IGF2BP2: variants seen among roughly 807,000 people sequenced by gnomAD.
The protein encoded by IGF2BP2 is insulin-like growth factor 2 mRNA-binding protein 2.
Under a neutral mutation model 75.8 loss-of-function variants are expected in IGF2BP2, and 17 were observed. The observed-to-expected ratio is 0.22, with a 90% confidence interval of 0.15 to 0.34. IGF2BP2 has a LOEUF of 0.34. Ranked by LOEUF, IGF2BP2 falls within the 10% of genes least tolerant of loss-of-function variation. IGF2BP2 has a pLI of 1.00. For missense variants in IGF2BP2, 516 were observed against 772.4 expected, an observed-to-expected ratio of 0.67 and a Z score of 3.93; for synonymous variants, 288 against 295.6, an observed-to-expected ratio of 0.97 and a Z score of 0.26.
intron 2 of IGF2BP2, among the ~76,000 whole-genome samples, chr3:185,727,062 T>G (rs988608434): frequency 4.0e-5 from 6 of 151,588 alleles, no homozygotes; most frequent in African/African-American, 1.5e-4. Context: ...CTACTAAAAA[T>G]ACAAAACTAG....
At position 185,645,541 on chromosome 3, in the gene IGF2BP2, C is replaced by A. The variant is rs769366559; in HGVS notation, c.1790G>T (p.Arg597Leu). The A allele has an allele frequency of 6.2e-7, 1 of 1,607,726 alleles. No homozygotes were observed. Among genetic ancestry groups the A allele is most frequent in the Non-Finnish European group, 8.5e-7 (1 of 1,174,374 alleles). ...GTGCCTGTGGGAGCCTCACTTGCTG[C>A]GCTGTGAGGCGACTCCCTGAGGGTA... ...QKYPQGVASQRSK is the reference protein window; with the variant it reads ...QKYPQGVASQLSK The change falls in exon 16 of 16, where the codon CGC (arginine) becomes CTC (leucine). Residue 597 changes from arginine to leucine, a missense_variant. Arg to Leu is a moderately radical substitution (Grantham distance 102). Coordinates refer to ENST00000382199, the MANE Select transcript of IGF2BP2 (RefSeq NM_006548.6). The surrounding 1 kb of genome is among the most constrained non-coding windows in gnomAD (Gnocchi z 4.9).
At chr3:185,746,848 A>T (rs1323118637) in intron 2 of IGF2BP2, among the ~76,000 whole-genome samples, 2 of 152,228 alleles carry the variant, frequency 1.3e-5, no homozygotes, top group Non-Finnish European at 2.9e-5. Context: ...GACCAGAAAA[A>T]GATCTCTTTG....
chr3:185,766,416 G>T (rs997183376), intron 2 of IGF2BP2, among the ~76,000 whole-genome samples: 2 of 151,952 alleles, frequency 1.3e-5, no homozygotes, highest in Admixed American at 1.3e-4. Context: ...TACAAGCTAA[G>T]AATGTTTTTC....
intron 13 of IGF2BP2, among the ~76,000 whole-genome samples, chr3:185,649,759 T>C (rs1714249798): frequency 6.6e-6 from 1 of 152,216 alleles, no homozygotes; most frequent in Non-Finnish European, 1.5e-5. Context: ...TGGGCATTCA[T>C]GTTTTGGTGG....
intron 10 of IGF2BP2, among the ~76,000 whole-genome samples, chr3:185,663,248 ATTTTT>A (rs1466051932): frequency 1.3e-5 from 2 of 152,250 alleles, no homozygotes; most frequent in African/African-American, 4.8e-5. Flanking sequence ...AAGCTACTTT[ATTTTT>A]GAGTGTTTCA....
At chr3:185,727,662 A>C (rs1341072945) in intron 2 of IGF2BP2, among the ~76,000 whole-genome samples, 1 of 152,200 alleles carries the variant, frequency 6.6e-6, no homozygotes, top group Admixed American at 6.5e-5. Context: ...TTCTTAATAA[A>C]ACTAAAAATG....
At chr3:185,773,410 T>C (rs1734139168) in intron 2 of IGF2BP2, among the ~76,000 whole-genome samples, 1 of 152,108 alleles carries the variant, frequency 6.6e-6, no homozygotes, top group Non-Finnish European at 1.5e-5. Flanking sequence ...TAAATATAAA[T>C]TGTTCCCATA....
intron 7 of IGF2BP2, among the ~76,000 whole-genome samples, chr3:185,677,072 G>GATATATATATATATATATATATATATAT: frequency 2.7e-5 from 1 of 37,128 alleles, no homozygotes; most frequent in South Asian, 1.2e-3. Flanking sequence ...TATATATAGA[G>GATATATATATATATATATATATATATAT]AGAGAGAGAG....
chr3:185,800,367 A>T (rs1033728226), intron 2 of IGF2BP2, among the ~76,000 whole-genome samples: 1 of 152,150 alleles, frequency 6.6e-6, no homozygotes, highest in South Asian at 2.1e-4. Flanking sequence ...CATATGGCAC[A>T]TGTATACCCA....
chr3:185,814,876 T>C (rs1160603762), intron 2 of IGF2BP2, among the ~76,000 whole-genome samples: 2 of 152,310 alleles, frequency 1.3e-5, no homozygotes, highest in East Asian at 1.9e-4. Flanking sequence ...GTTTAAAATG[T>C]TCTGTTAATA....
chr3:185,667,613 T>C (rs1717849160), intron 10 of IGF2BP2, among the ~76,000 whole-genome samples: 1 of 152,226 alleles, frequency 6.6e-6, no homozygotes, highest in African/African-American at 2.4e-5. Flanking sequence ...ACCTTAATTT[T>C]TAAGTTTTCT....
At chr3:185,816,846 T>G (rs549943068) in intron 2 of IGF2BP2, among the ~76,000 whole-genome samples, 1 of 152,296 alleles carries the variant, frequency 6.6e-6, no homozygotes, top group East Asian at 1.9e-4. Flanking sequence ...TGTTTAAATA[T>G]CAATACATGA....
At chr3:185,675,243 AAGT>A in intron 9 of IGF2BP2, 50 bp downstream of exon 9, 1 of 1,571,874 alleles carries the variant, frequency 6.4e-7, no homozygotes, top group Non-Finnish European at 8.6e-7. Context: ...GCTGAATGGC[AAGT>A]ATTTTTAGCC....
At chr3:185,780,361 G>A (rs1358500261) in intron 2 of IGF2BP2, among the ~76,000 whole-genome samples, 1 of 152,142 alleles carries the variant, frequency 6.6e-6, no homozygotes, top group Non-Finnish European at 1.5e-5. Context: ...TCACCTGTGG[G>A]ACAAATATTT....
chr3:185,647,117 T>A lies in IGF2BP2; in HGVS notation c.1615A>T (p.Thr539Ser), dbSNP rs1377035380. ...GKTVNELQNL[T>S]SAEVIVPRDQ... ...CGAGGCACGATGACTTCTGCACTGGTTAAGTTCTGCAGTTCGTTCACCTGT... is the reference window on the plus strand; with the variant it reads ...CGAGGCACGATGACTTCTGCACTGGATAAGTTCTGCAGTTCGTTCACCTGT... The change falls in exon 15 of 16, where the codon ACC (threonine) becomes TCC (serine). Residue 539 changes from threonine to serine, a missense_variant. Thr to Ser is a moderately conservative substitution (Grantham distance 58). Transcript: ENST00000382199. The surrounding 1 kb of genome is among the most constrained non-coding windows in gnomAD (Gnocchi z 4.9). 4 of 1,613,986 alleles carry A rather than the reference T, an allele frequency of 2.5e-6. No homozygotes were observed. Among genetic ancestry groups the A allele is most frequent in the Non-Finnish European group, 3.4e-6 (4 of 1,179,856 alleles).
In IGF2BP2 at chr3:185,701,150, G is replaced by A. The variant is rs1723242236; in HGVS notation, c.240-2803C>T. On this transcript the variant is annotated intron_variant, in intron 2 of 15. Coordinates refer to ENST00000382199, the MANE Select transcript of IGF2BP2 (RefSeq NM_006548.6). ...TCTTGATATATTGCCTGCTGGTCTT[G>A]AACTCCTGGGCTCTAGTGATCCTCC... Among the ~76,000 whole-genome samples the A allele has an allele frequency of 2.6e-5, 4 of 151,868 alleles. No individual in the cohort carries two copies. In the East Asian group the frequency reaches 7.7e-4, roughly 29 times the overall value.
At chr3:185,761,135 C>T (rs983277772) in intron 2 of IGF2BP2, among the ~76,000 whole-genome samples, 12 of 151,988 alleles carry the variant, frequency 7.9e-5, no homozygotes, top group African/African-American at 2.9e-4. Context: ...TGATGGACAC[C>T]TAGGCTGATA....
chr3:185,797,161 CAATT>C (rs1255761903), intron 2 of IGF2BP2, among the ~76,000 whole-genome samples: 2 of 152,204 alleles, frequency 1.3e-5, no homozygotes, highest in African/African-American at 4.8e-5. Context: ...CTTCACCAAT[CAATT>C]ATTTCAACTA....
At chr3:185,761,194 A>G (rs1380999376) in intron 2 of IGF2BP2, among the ~76,000 whole-genome samples, 1 of 152,220 alleles carries the variant, frequency 6.6e-6, no homozygotes, top group Non-Finnish European at 1.5e-5. Context: ...CAGAAGAAAA[A>G]GAAATGCCTC....
Sources: allele counts gnomAD v4.1 joint callset (sites outside exome capture counted in the v4.1 genomes callset), GRCh38; gene constraint gnomAD v4.1.1; non-coding constraint Gnocchi (gnomAD v3.1); transcripts MANE v1.5; gene names NCBI Gene and HGNC (gene_info 2026-07-23, HGNC 2026-07-21).